Variants in PTPRT observed in about 807,000 individuals in gnomAD.
PTPRT encodes receptor-type tyrosine-protein phosphatase T.
Under a neutral mutation model 176.8 loss-of-function variants are expected in PTPRT, and 56 were observed. The observed-to-expected ratio is 0.32, with a 90% CI of 0.26 to 0.40. The LOEUF (loss-of-function observed/expected upper bound fraction) is 0.40. Ranked by LOEUF, PTPRT falls within the 10% of genes least tolerant of loss-of-function variation. The pLI is 1.00. For synonymous variants in PTPRT, 783 were observed against 739.0 expected (o/e 1.06, Z -0.96); for missense variants, 1,540 against 1,908.2 (o/e 0.81, Z 3.60).
chr20:42,324,040 C>T (rs1029011895), intron 11 of PTPRT, among the ~76,000 whole-genome samples: 2 of 152,150 alleles, frequency 1.3e-5, no homozygotes, highest in Non-Finnish European at 2.9e-5. Context: ...AGAAATAAGA[C>T]ATTTCCACAC....
At chr20:42,273,811 T>G (rs1004323040) in intron 13 of PTPRT, among the ~76,000 whole-genome samples, 3 of 152,244 alleles carry the variant, frequency 2.0e-5, no homozygotes, top group Non-Finnish European at 4.4e-5. Context: ...GTAATAATTA[T>G]CTCATGAAGT....
intron 1 of PTPRT, among the ~76,000 whole-genome samples, chr20:43,158,317 A>G (rs1166822164): frequency 6.6e-6 from 1 of 152,190 alleles, no homozygotes; most frequent in Admixed American, 6.5e-5. Flanking sequence ...GGTTTGGAGA[A>G]TTAGGAGTTC....
chr20:42,941,078 T>C (rs531976250), intron 1 of PTPRT, among the ~76,000 whole-genome samples: 2 of 148,564 alleles, frequency 1.3e-5, no homozygotes, highest in East Asian at 3.9e-4. Flanking sequence ...CAAGACTCCA[T>C]CTCAAAAAAA....
intron 15 of PTPRT, among the ~76,000 whole-genome samples, chr20:42,204,970 A>ATT (rs1281473708): frequency 1.9e-4 from 25 of 128,278 alleles, no homozygotes; most frequent in Non-Finnish European, 3.8e-4. Flanking sequence ...CAACGAAGGA[A>ATT]TTTCTTTTTT....
At chr20:42,712,196 C>A (rs2146202606) in intron 6 of PTPRT, among the ~76,000 whole-genome samples, 1 of 152,228 alleles carries the variant, frequency 6.6e-6, no homozygotes, top group East Asian at 1.9e-4. Context: ...TCAACAGGCT[C>A]CCGAAGAGGT....
intron 7 of PTPRT, among the ~76,000 whole-genome samples, chr20:42,536,672 G>C (rs8115056): frequency 0.45 from 68,020 of 152,044 alleles, 17,908 homozygotes; most frequent in African/African-American, 0.74. Context: ...GTGTTTATCA[G>C]AACACATGAG....
At chr20:42,869,479 T>G (rs1438628507) in intron 2 of PTPRT, among the ~76,000 whole-genome samples, 1 of 152,254 alleles carries the variant, frequency 6.6e-6, no homozygotes, top group Non-Finnish European at 1.5e-5. Flanking sequence ...TTCTTGTGTT[T>G]TATACTTACT....
chr20:43,017,340 T>G (rs1005125173), intron 1 of PTPRT, among the ~76,000 whole-genome samples: 1 of 152,152 alleles, frequency 6.6e-6, no homozygotes, highest in African/African-American at 2.4e-5. Flanking sequence ...TTTCCTTCCC[T>G]GTCTCTTCTC....
intron 9 of PTPRT, among the ~76,000 whole-genome samples, chr20:42,401,909 C>CA (rs2058912335): frequency 1.3e-5 from 2 of 152,170 alleles, no homozygotes; most frequent in Non-Finnish European, 2.9e-5. Flanking sequence ...GCTGGGGAAG[C>CA]AGGGTGTCTT....
At chr20:42,093,683 C>T (rs1338586226) in intron 27 of PTPRT, among the ~76,000 whole-genome samples, 2 of 152,226 alleles carry the variant, frequency 1.3e-5, no homozygotes, top group Admixed American at 1.3e-4. Flanking sequence ...CAGGAGTGAC[C>T]TAGCAATGCT....
At position 42,338,060 on chromosome 20, in the gene PTPRT, G is replaced by A. The variant is rs188207136; in HGVS notation, c.1865+12568C>T. Among the ~76,000 whole-genome samples the A allele has an allele frequency of 8.1e-4, 123 of 152,320 alleles. 1 individual carries two copies. Among genetic ancestry groups the A allele is most frequent in the Admixed American group, 7.9e-3 (121 of 15,300 alleles). ...TGCCTGGAGCCTATGGGCTGAGGCA[G>A]AGGCCACCTTTTTAGGTTCCAAGAA... On this transcript the variant is annotated intron_variant, in intron 11 of 30. Coordinates refer to ENST00000373187, the MANE Select transcript of PTPRT (RefSeq NM_007050.6).
At chr20:42,196,845 A>G (rs542546749) in intron 16 of PTPRT, among the ~76,000 whole-genome samples, 4 of 152,346 alleles carry the variant, frequency 2.6e-5, no homozygotes, top group African/African-American at 9.6e-5. Flanking sequence ...CATAATCAGT[A>G]TGTGCCATTA....
chr20:42,336,028 T>C (rs1029103667), intron 11 of PTPRT, among the ~76,000 whole-genome samples: 1 of 152,164 alleles, frequency 6.6e-6, no homozygotes, highest in Non-Finnish European at 1.5e-5. Context: ...TTCTACCTGG[T>C]AGGGTTTTGA....
intron 2 of PTPRT, among the ~76,000 whole-genome samples, chr20:42,818,403 G>A (rs549156603): frequency 2.0e-5 from 3 of 150,972 alleles, no homozygotes; most frequent in South Asian, 2.1e-4. Flanking sequence ...CCTCAAAAAC[G>A]AAAACTAAAC....
chr20:42,600,665 T>G (rs2073763586), intron 7 of PTPRT, among the ~76,000 whole-genome samples: 1 of 152,170 alleles, frequency 6.6e-6, no homozygotes, highest in Non-Finnish European at 1.5e-5. Context: ...TCTGTACGCC[T>G]GTGTGAACCC....
intron 14 of PTPRT, among the ~76,000 whole-genome samples, chr20:42,246,133 C>A (rs1159191035): frequency 6.6e-6 from 1 of 151,982 alleles, no homozygotes; most frequent in Non-Finnish European, 1.5e-5. Flanking sequence ...CTCAATTGAT[C>A]AGTGTAGTAT....
At chr20:42,218,945 T>C (rs2055826957) in intron 15 of PTPRT, among the ~76,000 whole-genome samples, 1 of 152,202 alleles carries the variant, frequency 6.6e-6, no homozygotes, top group Admixed American at 6.5e-5. Context: ...CGGTGGGCTG[T>C]TCTCCAGCCC....
At chr20:42,934,670 C>T (rs76211279) in intron 1 of PTPRT, among the ~76,000 whole-genome samples, 2,893 of 152,254 alleles carry the variant, frequency 0.019, 105 homozygotes, top group African/African-American at 0.066. Context: ...CAGTCCCTTG[C>T]CTTGTGAGTG....
chr20:42,780,207 G>GAAAGACTT lies in PTPRT; in HGVS notation c.568+3_568+10dup. The GAAAGACTT allele has an allele frequency of 6.2e-7, 1 of 1,609,428 alleles. No individual in the cohort carries two copies. Among genetic ancestry groups the GAAAGACTT allele is most frequent in the Non-Finnish European group, 8.5e-7 (1 of 1,175,746 alleles). ...GATCAAGGCTGTGTTGGGAGGAAGG[G>GAAAGACTT]AAAGACTTACTGCATGGATGAGCAA... is the stretch of plus-strand genomic sequence containing the variant. On this transcript the variant is annotated intron_variant, in intron 4 of 30. Coordinates refer to ENST00000373187, the MANE Select transcript of PTPRT (RefSeq NM_007050.6).
Sources: gnomAD v4.1 joint callset for allele counts (sites outside exome capture counted in the v4.1 genomes callset) on GRCh38, gnomAD v4.1.1 for gene constraint, MANE v1.5 for transcripts, NCBI Gene and HGNC (gene_info 2026-07-23, HGNC 2026-07-21) for gene names.